ZNF616: variants seen among roughly 807,000 people sequenced by gnomAD.
ZNF616 encodes the protein zinc finger protein 616.
Under a neutral mutation model 7.6 loss-of-function variants are expected in ZNF616, and 5 were observed. The observed-to-expected ratio is 0.66, with a 90% CI of 0.34 to 1.38. The LOEUF is 1.38. Ranked by LOEUF, ZNF616 falls within the 40% of genes most tolerant of loss-of-function variation. The pLI is 0.04. For missense variants in ZNF616, 913 were observed against 948.3 expected, an observed-to-expected ratio of 0.96 and a Z score of 0.49; for synonymous variants, 319 against 317.2, an observed-to-expected ratio of 1.01 and a Z score of -0.06.
intron 3 of ZNF616, among the ~76,000 whole-genome samples, chr19:52,119,894 A>G (rs903586647): frequency 3.3e-5 from 5 of 152,184 alleles, no homozygotes; most frequent in Admixed American, 6.5e-5. Context: ...AACCCTACAT[A>G]TCAAGAGATA....
Position 52,136,087 on chromosome 19 carries a change from G to A in ZNF616, c.-77+3645C>T, listed in dbSNP as rs144737694. 2.5e-4 allele frequency among the ~76,000 whole-genome samples: 31 copies of A among 123,918 alleles called. 2 individuals are homozygous for A. The East Asian group carries it at 8.0e-3, about 32-fold the overall frequency. 81.3% of individuals were successfully genotyped at this position (123,918 alleles called of 152,430 possible). ...AGATGTTGTAGTGAGCCGAGATGGC[G>A]CCCCTGCACTCCAGTCTAGGCAGCA... is the stretch of plus-strand genomic sequence containing the variant. On this transcript the variant is annotated intron_variant, in intron 1 of 3. Coordinates refer to ENST00000600228, the MANE Select transcript of ZNF616 (RefSeq NM_178523.5).
At chr19:52,127,325 G>T (rs780600949) in intron 2 of ZNF616, among the ~76,000 whole-genome samples, 2 of 152,162 alleles carry the variant, frequency 1.3e-5, no homozygotes, top group Admixed American at 1.3e-4. Context: ...AAAGTGCCTG[G>T]ATTACAGGTG....
intron 2 of ZNF616, among the ~76,000 whole-genome samples, chr19:52,129,267 G>A (rs907320393): frequency 2.6e-5 from 4 of 152,090 alleles, no homozygotes; most frequent in Non-Finnish European, 4.4e-5. Flanking sequence ...TGACAAGAGC[G>A]AGACTCCGTA....
chr19:52,132,073 G>A (rs1276940866), intron 1 of ZNF616, among the ~76,000 whole-genome samples: 3 of 152,266 alleles, frequency 2.0e-5, no homozygotes, highest in Non-Finnish European at 1.5e-5. Flanking sequence ...ACAGCTCACA[G>A]CACTTTTAGA....
chr19:52,126,320 G>T lies in ZNF616; in HGVS notation c.13-2271C>A, dbSNP rs1482092765. 2.0e-5 allele frequency among the ~76,000 whole-genome samples: 3 copies of T among 152,112 alleles called. No individual in the cohort carries two copies. The East Asian group carries it at 5.8e-4, about 29-fold the overall frequency. On this transcript the variant is annotated intron_variant, in intron 2 of 3. Coordinates refer to ENST00000600228, the MANE Select transcript of ZNF616 (RefSeq NM_178523.5). Reference sequence around the variant, plus strand: ...AGGCAGGAAGATCACTTCAGAGCAGGAATTCGAGACCAGCCTGGCCAACAT... The same window carrying T: ...AGGCAGGAAGATCACTTCAGAGCAGTAATTCGAGACCAGCCTGGCCAACAT...
rs10418739 is a variant in ZNF616, at chr19:52,114,045, A to G, written c.*773T>C. The G allele has an allele frequency of 0.49, 74,920 of 152,006 alleles. 21,673 individuals are homozygous for G. The highest frequency in any genetic ancestry group is 0.78 in the African/African-American group (32,231 of 41,464). The allele number at this position is 152,006 out of a possible 1,614,324, so 9.4% of individuals were successfully genotyped here. ...TATATTCTGATGCCTAGTGAGTTCC[A>G]ATGCCTGGGGAAAGCCTCTGACACA... On this transcript the variant is annotated 3_prime_UTR_variant, in exon 4 of 4. Coordinates refer to ENST00000600228, the MANE Select transcript of ZNF616 (RefSeq NM_178523.5).
intron 1 of ZNF616, among the ~76,000 whole-genome samples, chr19:52,138,113 C>T (rs1439384819): frequency 6.6e-6 from 1 of 152,156 alleles, no homozygotes; most frequent in East Asian, 1.9e-4. Flanking sequence ...TTACCGCACT[C>T]CAGCCTGGGC....
In ZNF616 at chr19:52,115,079, G is replaced by A. The variant is rs141829596; in HGVS notation, c.2085C>T (p.Gly695=). The change falls in exon 4 of 4, where the codon GGC becomes GGT. Residue 695 remains glycine, a synonymous_variant. Transcript: ENST00000600228. ...GATGTGAACTATGCCTGAATACCTTGCCACATTCATCACATTTATATGGTT... is the reference window on the plus strand; with the variant it reads ...GATGTGAACTATGCCTGAATACCTTACCACATTCATCACATTTATATGGTT... ...GKKPYKCDEC[G]KVFRHSSHLV... 119 of 1,613,980 alleles carry A rather than the reference G, an allele frequency of 7.4e-5. No individual in the cohort carries two copies. Among genetic ancestry groups the A allele is most frequent in the Non-Finnish European group, 9.7e-5 (115 of 1,180,016 alleles).
At chr19:52,119,594 G>A (rs1310024737) in intron 3 of ZNF616, among the ~76,000 whole-genome samples, 1 of 152,116 alleles carries the variant, frequency 6.6e-6, no homozygotes, top group Non-Finnish European at 1.5e-5. Flanking sequence ...AAGGAGTAAT[G>A]TGCATGGGGC....
chr19:52,131,796 G>A (rs2088962442), intron 1 of ZNF616, among the ~76,000 whole-genome samples: 1 of 152,210 alleles, frequency 6.6e-6, no homozygotes, highest in African/African-American at 2.4e-5. Context: ...TTGTTTAAAT[G>A]AGTGGGAAGT....
intron 3 of ZNF616, among the ~76,000 whole-genome samples, chr19:52,119,762 C>T (rs1223171038): frequency 1.3e-5 from 2 of 152,128 alleles, no homozygotes; most frequent in African/African-American, 2.4e-5. Flanking sequence ...CAAGGGAAAA[C>T]AGTTAAAAAG....
rs148126222 is a variant in ZNF616, at chr19:52,119,700, A to C, written c.140-2676T>G. Among the ~76,000 whole-genome samples the C allele has an allele frequency of 9.0e-3, 1,376 of 152,354 alleles. 23 individuals are homozygous for C. Among genetic ancestry groups the C allele is most frequent in the Admixed American group, 0.043 (655 of 15,296 alleles). On this transcript the variant is annotated intron_variant, in intron 3 of 3. Coordinates refer to ENST00000600228, the MANE Select transcript of ZNF616 (RefSeq NM_178523.5). ...CAAAAAAAGAAACTAATTTAGAAGTAGCATTATACTGGCCAATATTTAAAT... is the reference window on the plus strand; with the variant it reads ...CAAAAAAAGAAACTAATTTAGAAGTCGCATTATACTGGCCAATATTTAAAT...
rs879233282 is a variant in ZNF616 at position 52,115,644 on chromosome 19, C to T, written c.1520G>A (p.Arg507His). Residue 507 changes from arginine to histidine, a missense_variant, in exon 4 of 4, where the codon CGT (arginine) becomes CAT (histidine). Transcript: ENST00000600228. ...ATGAATTCTCCGATGCACTGCAAGACGTGAATGTTGACTGAAGACCTTGCC... is the reference window on the plus strand; with the variant it reads ...ATGAATTCTCCGATGCACTGCAAGATGTGAATGTTGACTGAAGACCTTGCC... ...ECGKVFSQHSRLAVHRRIHTG... is the reference protein window; with the variant it reads ...ECGKVFSQHSHLAVHRRIHTG... 47 of 1,612,998 alleles carry T rather than the reference C, an allele frequency of 2.9e-5. No homozygotes were observed. The highest frequency in any genetic ancestry group is 1.6e-4 in the East Asian group (7 of 44,726).
Position 52,139,190 on chromosome 19 carries a change from G to A in ZNF616, c.-77+542C>T, listed in dbSNP as rs989171391. On this transcript the variant is annotated intron_variant, in intron 1 of 3. Transcript: ENST00000600228. The surrounding 1 kb of genome is among the most constrained non-coding windows in gnomAD (Gnocchi z 4.1). ...TCCCTCTCACCCACACATTCAGGAG[G>A]AAAGGGGAGGAATACGATGCCCACC... 6.6e-6 allele frequency among the ~76,000 whole-genome samples: 1 copy of A among 152,228 alleles called. No individual in the cohort carries two copies. Among genetic ancestry groups the A allele is most frequent in the South Asian group, 2.1e-4 (1 of 4,824 alleles).
Position 52,115,842 on chromosome 19 carries a change from T to C in ZNF616, c.1322A>G (p.Lys441Arg), listed in dbSNP as rs764357008. 6 of 1,608,318 alleles carry C rather than the reference T, an allele frequency of 3.7e-6. No homozygotes were observed. The highest frequency in any genetic ancestry group is 4.2e-6 in the Non-Finnish European group (5 of 1,177,546). Reference sequence around the variant, plus strand: ...ATGCTTACTGTACACCTTGCCACATTTATTGCATTTGTAAGTTTTCTGTCC... The same window carrying C: ...ATGCTTACTGTACACCTTGCCACATCTATTGCATTTGTAAGTTTTCTGTCC... ...HTGQKTYKCN[K>R]CGKVYSKHSH... The change falls in exon 4 of 4, where the codon AAA (lysine) becomes AGA (arginine). Residue 441 changes from lysine to arginine, a missense_variant. Physicochemically the swap from Lys to Arg is conservative, Grantham distance 26. Coordinates refer to ENST00000600228, the MANE Select transcript of ZNF616 (RefSeq NM_178523.5).
chr19:52,120,205 T>C (rs1016470095), intron 3 of ZNF616, among the ~76,000 whole-genome samples: 1 of 152,214 alleles, frequency 6.6e-6, no homozygotes, highest in Admixed American at 6.5e-5. Flanking sequence ...GGAGCAGACC[T>C]GTAAAGGAGT....
intron 1 of ZNF616, among the ~76,000 whole-genome samples, 168 bp from the exon 2 acceptor site, chr19:52,130,756 G>A (rs978634014): frequency 1.3e-5 from 2 of 152,204 alleles, no homozygotes; most frequent in Non-Finnish European, 2.9e-5. Flanking sequence ...ATCTTTCACC[G>A]TTTTCTTCAG....
intron 1 of ZNF616, among the ~76,000 whole-genome samples, chr19:52,135,781 G>A (rs542701323): frequency 6.6e-6 from 1 of 152,178 alleles, no homozygotes; most frequent in Non-Finnish European, 1.5e-5. Context: ...CAACAAGAAG[G>A]CCTGGACAAT....
Position 52,116,539 on chromosome 19 carries a change from T to C in ZNF616, c.625A>G (p.Thr209Ala). The part of the protein sequence containing the change: ...SLINHQRIHT[T>A]EKPYKCNECG... ...TCATTGCATTTGTAAGGTTTCTCTG[T>C]AGTATGTATCCTCTGATGATTAATA... The change falls in exon 4 of 4, where the codon ACA becomes GCA. Residue 209 changes from threonine to alanine, a missense_variant. Thr to Ala is a moderately conservative substitution (Grantham distance 58). Coordinates refer to ENST00000600228, the MANE Select transcript of ZNF616 (RefSeq NM_178523.5). The C allele has an allele frequency of 2.5e-6, 4 of 1,614,144 alleles. No homozygotes were observed. The highest frequency in any genetic ancestry group is 3.4e-6 in the Non-Finnish European group (4 of 1,180,020).
Sources: allele counts gnomAD v4.1 joint callset (sites outside exome capture counted in the v4.1 genomes callset), GRCh38; gene constraint gnomAD v4.1.1; non-coding constraint Gnocchi (gnomAD v3.1); transcripts MANE v1.5; gene names NCBI Gene and HGNC (gene_info 2026-07-23, HGNC 2026-07-21).